Variants in KAZN observed in about 807,000 individuals in gnomAD.
The protein encoded by KAZN is kazrin.
Under a neutral mutation model 87.4 loss-of-function variants are expected in KAZN, and 40 were observed. The ratio of observed to expected loss-of-function variants is 0.46; its 90% CI spans 0.36 to 0.60. The LOEUF is 0.60. Ranked by LOEUF, KAZN falls within the 20% of genes least tolerant of loss-of-function variation. The pLI is 0.00. For synonymous variants in KAZN, 466 were observed against 458.3 expected, an observed-to-expected ratio of 1.02 and a Z score of -0.22; for missense variants, 898 against 1,073.9, an observed-to-expected ratio of 0.84 and a Z score of 2.29.
intron 2 of KAZN, among the ~76,000 whole-genome samples, chr1:14,964,919 A>T (rs143844436): frequency 6.6e-6 from 1 of 152,112 alleles, no homozygotes; most frequent in African/African-American, 2.4e-5. Flanking sequence ...GGCTTAGAAG[A>T]TTCCTTTGTT....
chr1:15,105,034 C>A (rs1472021290), intron 13 of KAZN, among the ~76,000 whole-genome samples: 1 of 152,148 alleles, frequency 6.6e-6, no homozygotes, highest in Admixed American at 6.5e-5. Flanking sequence ...AGTGTATAAT[C>A]CTTTTTATAT....
chr1:14,138,082 A>AGTGTGT (rs149980453), intron 1 of KAZN, among the ~76,000 whole-genome samples: 4,281 of 149,954 alleles, frequency 0.029, 180 homozygotes, highest in African/African-American at 0.092. Flanking sequence ...TAAATGTTAC[A>AGTGTGT]GTGTGTGTGT....
intron 1 of KAZN, among the ~76,000 whole-genome samples, chr1:13,983,616 G>T (rs759813962): frequency 1.3e-5 from 2 of 152,224 alleles, no homozygotes; most frequent in African/African-American, 4.8e-5. Flanking sequence ...CTCCCACAGC[G>T]AAGCGATGGG....
chr1:14,117,580 T>C (rs1644654760), intron 1 of KAZN, among the ~76,000 whole-genome samples: 1 of 152,004 alleles, frequency 6.6e-6, no homozygotes, highest in African/African-American at 2.4e-5. Context: ...ACCATTACAC[T>C]GGGGGTTGGG....
chr1:15,101,462 AT>A, intron 10 of KAZN, 80 bp from the exon 11 acceptor site: 2 of 909,554 alleles, frequency 2.2e-6, no homozygotes, highest in Non-Finnish European at 3.5e-6. Flanking sequence ...CTCTCTCTGC[AT>A]CTCCACCCAT....
chr1:14,109,168 A>G (rs1644446003), intron 1 of KAZN, among the ~76,000 whole-genome samples: 1 of 152,328 alleles, frequency 6.6e-6, no homozygotes, highest in South Asian at 2.1e-4. Flanking sequence ...TAAGAGTGAA[A>G]TGGAGCCAAG....
chr1:14,151,199 G>GA (rs35565059), intron 1 of KAZN, among the ~76,000 whole-genome samples: 57,495 of 151,642 alleles, frequency 0.38, 11,160 homozygotes, highest in Middle Eastern at 0.49. Context: ...CCAGATTGTA[G>GA]AAAAAAAAGA....
intron 2 of KAZN, among the ~76,000 whole-genome samples, chr1:14,260,237 G>T (rs553047035): frequency 1.3e-5 from 2 of 152,278 alleles, no homozygotes; most frequent in African/African-American, 4.8e-5. Context: ...CCCTGCCCTC[G>T]TGGAACTGAT....
intron 1 of KAZN, among the ~76,000 whole-genome samples, chr1:14,091,956 A>G (rs1367687278): frequency 6.6e-6 from 1 of 152,208 alleles, no homozygotes; most frequent in Admixed American, 6.5e-5. Flanking sequence ...AGGGCCATGG[A>G]CACACACTGT....
Position 13,979,695 on chromosome 1 carries a change from G to A in KAZN, c.91+85939G>A, listed in dbSNP as rs542155525. Among the ~76,000 whole-genome samples, 29 of 152,244 alleles carry A rather than the reference G, an allele frequency of 1.9e-4. 1 individual carries two copies. The highest frequency in any genetic ancestry group is 3.5e-4 in the Non-Finnish European group (24 of 68,004). The stretch of plus-strand genomic sequence containing the variant: ...TGTAATCCCAGTACTTTGGGAGGCC[G>A]AGGCGGGCGGATCACAAGGTCAGGA... On this transcript the variant is annotated intron_variant, in intron 1 of 16. Coordinates refer to the KAZN transcript ENST00000636203.
chr1:14,349,722 G>C (rs1420664039), intron 2 of KAZN, among the ~76,000 whole-genome samples: 1 of 152,184 alleles, frequency 6.6e-6, no homozygotes, highest in East Asian at 1.9e-4. Flanking sequence ...TTAAAGAGGA[G>C]ATAGGCCTTA....
chr1:14,922,658 G>A (rs1658654963), intron 1 of KAZN, among the ~76,000 whole-genome samples: 1 of 152,052 alleles, frequency 6.6e-6, no homozygotes, highest in South Asian at 2.1e-4. Flanking sequence ...CGGGCATGGT[G>A]GCGGGCACCT....
At chr1:14,497,334 CTAAAAAAAAAAAAAAAA>C (rs1181716190) in intron 2 of KAZN, among the ~76,000 whole-genome samples, 1 of 20,448 alleles carries the variant, frequency 4.9e-5, no homozygotes, top group East Asian at 6.1e-4. Flanking sequence ...AATTCTGTTA[CTAAAAAAAAAAAAAAAA>C]AAAAAAAAAA....
chr1:14,423,819 G>A (rs932131658), intron 2 of KAZN, among the ~76,000 whole-genome samples: 10 of 152,128 alleles, frequency 6.6e-5, no homozygotes, highest in South Asian at 2.1e-4. Context: ...TGGAACTTTT[G>A]GGGAAGATAC....
intron 1 of KAZN, among the ~76,000 whole-genome samples, chr1:14,056,700 G>A (rs1271835381): frequency 6.6e-6 from 1 of 152,178 alleles, no homozygotes; most frequent in East Asian, 1.9e-4. Context: ...CACACAGCAG[G>A]TGAGACAGAA....
At chr1:14,656,783 C>T (rs541717732) in intron 1 of KAZN, among the ~76,000 whole-genome samples, 1 of 152,234 alleles carries the variant, frequency 6.6e-6, no homozygotes, top group Non-Finnish European at 1.5e-5. Flanking sequence ...GGAAATTCAT[C>T]CCCATGATCC....
chr1:14,257,920 G>C (rs1277125171), intron 2 of KAZN, among the ~76,000 whole-genome samples: 1 of 110,840 alleles, frequency 9.0e-6, no homozygotes, highest in Non-Finnish European at 1.7e-5. Flanking sequence ...ATGTGCACAT[G>C]TACCCTAAAA....
At chr1:15,080,284 C>A (rs1639936052) in intron 8 of KAZN, among the ~76,000 whole-genome samples, 1 of 152,216 alleles carries the variant, frequency 6.6e-6, no homozygotes, top group Admixed American at 6.5e-5. Context: ...CTCTGCTGGA[C>A]TTTTCTATTT....
At chr1:14,585,157 G>T (rs997416333) in intron 2 of KAZN, among the ~76,000 whole-genome samples, 1 of 152,182 alleles carries the variant, frequency 6.6e-6, no homozygotes, top group Non-Finnish European at 1.5e-5. Context: ...CTTGACCTTG[G>T]ACTTCCAGCC....
Sources: allele counts gnomAD v4.1 joint callset (sites outside exome capture counted in the v4.1 genomes callset), GRCh38; gene constraint gnomAD v4.1.1; transcripts MANE v1.5; gene names NCBI Gene and HGNC (gene_info 2026-07-23, HGNC 2026-07-21).